Variants in MYO6 observed in about 807,000 individuals in gnomAD.
MYO6 encodes the protein myosin VI.
MYO6 carries 74 observed loss-of-function variants against 178.7 expected under a neutral mutation model. The ratio of observed to expected loss-of-function variants is 0.41; its 90% CI spans 0.34 to 0.50. MYO6 has a LOEUF of 0.50. Ranked by LOEUF, MYO6 falls within the 20% of genes least tolerant of loss-of-function variation. The pLI is 0.09. For missense variants in MYO6, 1,330 were observed against 1,547.4 expected, an observed-to-expected ratio of 0.86 and a Z score of 2.36; for synonymous variants, 477 against 504.6, an observed-to-expected ratio of 0.95 and a Z score of 0.73.
In MYO6 at chr6:75,844,945, A is replaced by G. The variant is rs755068696; in HGVS notation, c.865A>G (p.Lys289Glu). The change falls in exon 10 of 35, where the codon AAA (lysine) becomes GAA (glutamate). Residue 289 changes from lysine to glutamate, a missense_variant. Physicochemically the swap from Lys to Glu is moderately conservative, Grantham distance 56. Around this residue, in one of 3 missense-constraint regions of MYO6, gnomAD observed 613 missense variants for 816.8 expected, o/e 0.75. Transcript: ENST00000369977. The part of the protein sequence containing the change: ...TRYFANKETD[K>E]QILQNRKSPE... ...ATACTTTGCTAACAAAGAAACTGACAAACAGATTTTACAGAACCGCAAAAG... is the reference window on the plus strand; with the variant it reads ...ATACTTTGCTAACAAAGAAACTGACGAACAGATTTTACAGAACCGCAAAAG... 4.3e-6 allele frequency: 7 copies of G among 1,613,552 alleles called. No individual in the cohort carries two copies. The highest frequency in any genetic ancestry group is 5.1e-6 in the Non-Finnish European group (6 of 1,179,636).
chr6:75,867,318 T>C, intron 18 of MYO6: 1 of 468,800 alleles, frequency 2.1e-6, no homozygotes, highest in Non-Finnish European at 3.8e-6. Flanking sequence ...GTGTTCATTC[T>C]TGGTTCTTAA....
intron 20 of MYO6, among the ~76,000 whole-genome samples, chr6:75,878,340 C>A (rs576369679): frequency 2.2e-4 from 33 of 152,146 alleles, no homozygotes; most frequent in African/African-American, 7.9e-4. Flanking sequence ...CCAACAGTGA[C>A]CCAGAGGACA....
chr6:75,851,365 T>C (rs1448079864), intron 11 of MYO6, among the ~76,000 whole-genome samples: 1 of 152,222 alleles, frequency 6.6e-6, no homozygotes, highest in Non-Finnish European at 1.5e-5. Context: ...ATTCAATTAA[T>C]TATTTTAAAA....
chr6:75,753,753 T>A (rs963507054), intron 1 of MYO6, among the ~76,000 whole-genome samples: 16 of 152,116 alleles, frequency 1.1e-4, no homozygotes. Context: ...TGAGCTACCG[T>A]GCCTTGCCGG....
At chr6:75,901,099 A>G (rs1248044365) in intron 30 of MYO6, among the ~76,000 whole-genome samples, 18 of 152,048 alleles carry the variant, frequency 1.2e-4, no homozygotes, top group Non-Finnish European at 2.2e-4. Flanking sequence ...CTATATCTCT[A>G]TTTTGGTACC....
rs139704624 is a variant in MYO6, at chr6:75,767,146, C to T, written c.-48+17723C>T. ...GTTCAAGTGATTCTCATGCCTCAGC[C>T]ACCTGAGTAGATGAGATTACAGGCG... On this transcript the variant is annotated intron_variant, in intron 1 of 34. Coordinates refer to ENST00000369977, the MANE Select transcript of MYO6 (RefSeq NM_004999.4). Among the ~76,000 whole-genome samples the T allele has an allele frequency of 1.5e-4, 23 of 152,266 alleles. No individual in the cohort carries two copies. In the East Asian group the frequency reaches 4.4e-3, roughly 29 times the overall value.
chr6:75,769,349 C>T (rs1429180390), intron 1 of MYO6, among the ~76,000 whole-genome samples: 2 of 152,200 alleles, frequency 1.3e-5, no homozygotes, highest in Non-Finnish European at 2.9e-5. Flanking sequence ...CACCCATGAG[C>T]CTGTAAAATC....
intron 16 of MYO6, among the ~76,000 whole-genome samples, chr6:75,863,626 T>A (rs1455158779): frequency 6.6e-6 from 1 of 152,016 alleles, no homozygotes; most frequent in Non-Finnish European, 1.5e-5. Context: ...ACTGGGATTA[T>A]AGGCATGCAC....
chr6:75,798,904 A>G (rs369841006), intron 1 of MYO6, among the ~76,000 whole-genome samples: 43 of 152,250 alleles, frequency 2.8e-4, no homozygotes, highest in East Asian at 1.7e-3. Context: ...GACTTCAGTA[A>G]TGTTTCAGGA....
intron 1 of MYO6, among the ~76,000 whole-genome samples, chr6:75,791,656 G>T (rs1768261910): frequency 6.6e-6 from 1 of 152,160 alleles, no homozygotes; most frequent in African/African-American, 2.4e-5. Context: ...AATGAAAAAA[G>T]ATATCTTGAT....
chr6:75,817,277 C>T (rs976335768), intron 1 of MYO6, among the ~76,000 whole-genome samples: 1 of 146,926 alleles, frequency 6.8e-6, no homozygotes, highest in Non-Finnish European at 1.5e-5. Flanking sequence ...CGCACTCCAG[C>T]CTGGGTGAGA....
intron 1 of MYO6, among the ~76,000 whole-genome samples, chr6:75,754,564 C>T (rs557326844): frequency 2.8e-5 from 4 of 142,580 alleles, no homozygotes; most frequent in Non-Finnish European, 4.6e-5. Flanking sequence ...GCTGACTAAC[C>T]TTTACAAGGT....
rs141713776 is a variant in MYO6 at position 75,807,846 on chromosome 6, G to A, written c.-47-9655G>A. On this transcript the variant is annotated intron_variant, in intron 1 of 34. Coordinates refer to ENST00000369977, the MANE Select transcript of MYO6 (RefSeq NM_004999.4). ...TTTATCAGCAGGGTCTTTATGACCT[G>A]TGTCTTCTGCTGACCTCCTCTCTCA... is the stretch of plus-strand genomic sequence containing the variant. Among the ~76,000 whole-genome samples, 11 of 152,290 alleles carry A rather than the reference G, an allele frequency of 7.2e-5. No individual in the cohort carries two copies. The East Asian group carries it at 1.7e-3, about 24-fold the overall frequency.
chr6:75,869,070 ATTTTTTTTTTTTT>A (rs71544072), intron 18 of MYO6, among the ~76,000 whole-genome samples: 5 of 59,900 alleles, frequency 8.3e-5, no homozygotes, highest in African/African-American at 1.3e-4. Context: ...CTTTATCTCC[ATTTTTTTTTTTTT>A]TTTTTTTTTT....
At chr6:75,788,386 G>A (rs1767890377) in intron 1 of MYO6, among the ~76,000 whole-genome samples, 1 of 151,998 alleles carries the variant, frequency 6.6e-6, no homozygotes. Flanking sequence ...AGTCATTCCA[G>A]AACCACGTTC....
At chr6:75,896,225 A>G (rs1356926406) in intron 29 of MYO6, among the ~76,000 whole-genome samples, 1 of 152,212 alleles carries the variant, frequency 6.6e-6, no homozygotes, top group East Asian at 1.9e-4. Flanking sequence ...ATTTTTTAAT[A>G]AATGATGCAA....
At chr6:75,879,012 G>T (rs1777789749) in intron 20 of MYO6, among the ~76,000 whole-genome samples, 1 of 152,108 alleles carries the variant, frequency 6.6e-6, no homozygotes. Flanking sequence ...TGAGTGAAAG[G>T]CAGTCTTTAT....
chr6:75,852,919 G>C (rs2150295024), intron 11 of MYO6, among the ~76,000 whole-genome samples: 1 of 152,316 alleles, frequency 6.6e-6, no homozygotes, highest in East Asian at 1.9e-4. Flanking sequence ...GGAACTGTCA[G>C]ACTTTTTCAA....
At chr6:75,793,530 G>A (rs767874149) in intron 1 of MYO6, among the ~76,000 whole-genome samples, 1 of 151,934 alleles carries the variant, frequency 6.6e-6, no homozygotes, top group African/African-American at 2.4e-5. Flanking sequence ...CTTGAATCCG[G>A]GAGGCAGAGG....
Sources: allele counts gnomAD v4.1 joint callset (sites outside exome capture counted in the v4.1 genomes callset), GRCh38; gene constraint gnomAD v4.1.1; regional missense constraint gnomAD v4.1.1; transcripts MANE v1.5; gene names NCBI Gene and HGNC (gene_info 2026-07-23, HGNC 2026-07-21).